PARD6G: variants seen among roughly 807,000 people sequenced by gnomAD.
PARD6G encodes par-6 family cell polarity regulator gamma.
PARD6G carries 7 observed loss-of-function variants against 10.7 expected under a neutral mutation model. The ratio of observed to expected loss-of-function variants is 0.66; its 90% CI spans 0.37 to 1.23. The LOEUF (loss-of-function observed/expected upper bound fraction) is 1.23. Ranked by LOEUF, PARD6G falls within the 50% of genes most tolerant of loss-of-function variation. PARD6G has a pLI of 0.02. For synonymous variants in PARD6G, 287 were observed against 269.4 expected, an observed-to-expected ratio of 1.07 and a Z score of -0.64; for missense variants, 548 against 571.8, an observed-to-expected ratio of 0.96 and a Z score of 0.42.
rs2052700682 is a variant in PARD6G, at chr18:80,161,522, C to T, written c.296-916G>A. On this transcript the variant is annotated intron_variant, in intron 2 of 2. Transcript: ENST00000353265. This position sits in a 1 kb window ranked among gnomAD's most constrained non-coding sequence, Gnocchi z 4.6. ...AAAGTAAAAATTTTAAGTGAAGAGA[C>T]TGGTGGCATTTGGAAACTCTGAATA... 6.6e-6 allele frequency among the ~76,000 whole-genome samples: 1 copy of T among 152,080 alleles called. No individual in the cohort carries two copies. The highest frequency in any genetic ancestry group is 2.1e-4 in the South Asian group (1 of 4,828).
In PARD6G at chr18:80,222,654, T is replaced by C. The variant is rs190684866; in HGVS notation, c.73-19722A>G. Among the ~76,000 whole-genome samples the C allele has an allele frequency of 1.7e-3, 253 of 152,214 alleles. 1 individual carries two copies. Among genetic ancestry groups the C allele is most frequent in the African/African-American group, 5.9e-3 (244 of 41,506 alleles). On this transcript the variant is annotated intron_variant, in intron 1 of 2. Transcript: ENST00000353265. ...CGAATTGAGAGTACAGAAAAAAACC[T>C]TACATTTGTCATCAATTTATTTATT...
chr18:80,186,391 T>G (rs1393067418), intron 2 of PARD6G, among the ~76,000 whole-genome samples: 1 of 95,840 alleles, frequency 1.0e-5, no homozygotes, highest in Non-Finnish European at 2.1e-5. Flanking sequence ...TCGCACACCC[T>G]CACACATGCA....
rs1460949910 is a variant in PARD6G, at chr18:80,181,668, G to C, written c.295+21042C>G. 6.6e-6 allele frequency among the ~76,000 whole-genome samples: 1 copy of C among 152,088 alleles called. No homozygotes were observed. Among genetic ancestry groups the C allele is most frequent in the East Asian group, 1.9e-4 (1 of 5,184 alleles). On this transcript the variant is annotated intron_variant, in intron 2 of 2. Transcript: ENST00000353265. The surrounding 1 kb of genome is among the most constrained non-coding windows in gnomAD (Gnocchi z 7.9). ...ACTGTGCCCCTGCCTCCTGCTTGGGGAAGAGCTTCTCTCTGCTGCCAACCT... is the reference window on the plus strand; with the variant it reads ...ACTGTGCCCCTGCCTCCTGCTTGGGCAAGAGCTTCTCTCTGCTGCCAACCT...
At chr18:80,190,326 G>A (rs1008229811) in intron 2 of PARD6G, among the ~76,000 whole-genome samples, 9 of 152,216 alleles carry the variant, frequency 5.9e-5, no homozygotes, top group African/African-American at 2.2e-4. Flanking sequence ...AGGGTGCTGA[G>A]GGCAAAGCCT....
intron 1 of PARD6G, among the ~76,000 whole-genome samples, chr18:80,219,369 A>C (rs7237283): frequency 0.23 from 35,184 of 151,868 alleles, 4,299 homozygotes; most frequent in Middle Eastern, 0.31. Flanking sequence ...CCACCATGCC[A>C]AGCTAATTTT....
chr18:80,215,463 T>C (rs192758550), intron 1 of PARD6G, among the ~76,000 whole-genome samples: 259 of 152,240 alleles, frequency 1.7e-3, no homozygotes, highest in Middle Eastern at 6.8e-3. Context: ...TATATGAAAA[T>C]GTAATTTGTA....
chr18:80,163,714 C>T (rs925994118), intron 2 of PARD6G, among the ~76,000 whole-genome samples: 25 of 152,212 alleles, frequency 1.6e-4, no homozygotes, highest in African/African-American at 2.4e-4. Flanking sequence ...CACAGCGGGC[C>T]GGGCCCCTCC....
At chr18:80,165,586 A>G (rs1482847049) in intron 2 of PARD6G, among the ~76,000 whole-genome samples, 1 of 152,116 alleles carries the variant, frequency 6.6e-6, no homozygotes, top group Admixed American at 6.5e-5. Context: ...AGAAATTATA[A>G]AAGTATTATT....
At chr18:80,241,447 T>A in intron 1 of PARD6G, among the ~76,000 whole-genome samples, 1 of 145,294 alleles carries the variant, frequency 6.9e-6, no homozygotes, top group Admixed American at 6.6e-5. Context: ...TAGTGAACTA[T>A]CTGCAATTGC....
rs1377194122 is a variant in PARD6G at position 80,200,149 on chromosome 18, C to T, written c.295+2561G>A. Among the ~76,000 whole-genome samples the T allele has an allele frequency of 2.0e-5, 3 of 152,132 alleles. No homozygotes were observed. The highest frequency in any genetic ancestry group is 7.2e-5 in the African/African-American group (3 of 41,416). On this transcript the variant is annotated intron_variant, in intron 2 of 2. Transcript: ENST00000353265. The surrounding 1 kb of genome is among the most constrained non-coding windows in gnomAD (Gnocchi z 4.4). Reference sequence around the variant, plus strand: ...GAAAATAGCATGACCGTGACTGACCCCTCGACACCCCTGCTGCAGTAAAAA... The same window carrying T: ...GAAAATAGCATGACCGTGACTGACCTCTCGACACCCCTGCTGCAGTAAAAA...
At chr18:80,241,042 C>G (rs1444355712) in intron 1 of PARD6G, among the ~76,000 whole-genome samples, 2 of 152,180 alleles carry the variant, frequency 1.3e-5, no homozygotes, top group Non-Finnish European at 1.5e-5. Context: ...TGAGGCCATG[C>G]AGCAAGAACC....
intron 1 of PARD6G, among the ~76,000 whole-genome samples, chr18:80,243,339 C>T (rs1483425464): frequency 6.6e-6 from 1 of 152,170 alleles, no homozygotes; most frequent in Non-Finnish European, 1.5e-5. Flanking sequence ...AAGCCGGCTA[C>T]ACCATGACAT....
chr18:80,222,609 G>A (rs977032621), intron 1 of PARD6G, among the ~76,000 whole-genome samples: 19 of 151,340 alleles, frequency 1.3e-4, no homozygotes, highest in East Asian at 8.0e-4. Flanking sequence ...ACATAGAGAC[G>A]TATAAACGAC....
chr18:80,238,544 A>G (rs1206066743), intron 1 of PARD6G, among the ~76,000 whole-genome samples: 2 of 152,070 alleles, frequency 1.3e-5, no homozygotes, highest in Non-Finnish European at 2.9e-5. Context: ...TAAAAATAAA[A>G]ACAAAAAACT....
chr18:80,215,515 T>C (rs1361020688), intron 1 of PARD6G, among the ~76,000 whole-genome samples: 1 of 152,162 alleles, frequency 6.6e-6, no homozygotes, highest in African/African-American at 2.4e-5. Flanking sequence ...AATAGAGTTA[T>C]ATCGGAGCAA....
chr18:80,215,016 G>T (rs1967149016), intron 1 of PARD6G, among the ~76,000 whole-genome samples: 1 of 72,896 alleles, frequency 1.4e-5, no homozygotes, highest in South Asian at 4.6e-4. Flanking sequence ...ATTAACAGCT[G>T]GCTTCTTGTT....
rs1466755641 is a variant in PARD6G, at chr18:80,159,847, A to C, written c.1055T>G (p.Leu352Arg). The C allele has an allele frequency of 2.7e-6, 4 of 1,498,256 alleles. No homozygotes were observed. Among genetic ancestry groups the C allele is most frequent in the Non-Finnish European group, 3.5e-6 (4 of 1,129,028 alleles). The allele number at this position is 1,498,256 out of a possible 1,614,324, so 92.8% of individuals were successfully genotyped here. The change falls in exon 3 of 3, where the codon CTG (leucine) becomes CGG (arginine). Residue 352 changes from leucine (L) to arginine (R), a missense_variant. Coordinates refer to ENST00000353265, the MANE Select transcript of PARD6G (RefSeq NM_032510.4). The part of the protein sequence containing the change: ...DGGLQRLLSS[L>R]RADPRHSLAL... ...CAGGCTGTGACGGGGGTCGGCCCGC[A>C]GGGAGCTGAGCAGCCGCTGGAGGCC...
intron 2 of PARD6G, among the ~76,000 whole-genome samples, chr18:80,177,662 G>A (rs1177001157): frequency 2.4e-5 from 3 of 126,436 alleles, no homozygotes; most frequent in African/African-American, 9.2e-5. Context: ...ATGCATGCAT[G>A]CACACACACA....
intron 1 of PARD6G, among the ~76,000 whole-genome samples, chr18:80,203,594 G>A (rs1444462905): frequency 2.0e-5 from 3 of 152,178 alleles, no homozygotes; most frequent in Non-Finnish European, 4.4e-5. Flanking sequence ...TGGGTGGCAT[G>A]AAAGGAGAAT....
Sources: gnomAD v4.1 joint callset for allele counts (sites outside exome capture counted in the v4.1 genomes callset) on GRCh38, gnomAD v4.1.1 for gene constraint, Gnocchi (gnomAD v3.1) non-coding constraint, MANE v1.5 for transcripts, NCBI Gene and HGNC (gene_info 2026-07-23, HGNC 2026-07-21) for gene names.